The following DNAH9 variants were observed in gnomAD, a reference collection of about 807,000 sequenced individuals.
DNAH9 encodes DNAH9 variant protein.
DNAH9 carries 345 observed loss-of-function variants against 471.6 expected under a neutral mutation model. That is an observed-to-expected ratio of 0.73 (90% confidence interval 0.67 to 0.80). The LOEUF is 0.80. Ranked by LOEUF, DNAH9 falls within the 30% of genes least tolerant of loss-of-function variation. DNAH9 has a pLI of 0.00. For synonymous variants in DNAH9, 2,093 were observed against 2,123.6 expected, an observed-to-expected ratio of 0.99 and a Z score of 0.40; for missense variants, 5,407 against 5,609.2, an observed-to-expected ratio of 0.96 and a Z score of 1.15.
chr17:11,616,309 CTAAA>C (rs1449587044), intron 4 of DNAH9, among the ~76,000 whole-genome samples: 2 of 152,134 alleles, frequency 1.3e-5, no homozygotes, highest in African/African-American at 4.8e-5. Flanking sequence ...AAACTGCTTC[CTAAA>C]TAGTGTATAT....
intron 66 of DNAH9, among the ~76,000 whole-genome samples, chr17:11,939,245 G>C (rs1037225979): frequency 2.6e-5 from 4 of 152,076 alleles, no homozygotes; most frequent in African/African-American, 4.8e-5. Context: ...TGAAAATAAA[G>C]AGAAGAACCC....
chr17:11,746,910 T>A (rs1370544460), intron 31 of DNAH9, among the ~76,000 whole-genome samples: 1 of 151,478 alleles, frequency 6.6e-6, no homozygotes, highest in Non-Finnish European at 1.5e-5. Flanking sequence ...AAAACAAGAA[T>A]GAAAAACAAG....
rs181300830 is a variant in DNAH9 at position 11,605,838 on chromosome 17, G to A, written c.418-2291G>A. 1.6e-3 allele frequency among the ~76,000 whole-genome samples: 250 copies of A among 152,052 alleles called. 1 individual carries two copies. Among genetic ancestry groups the A allele is most frequent in the Middle Eastern group, 6.8e-3 (2 of 294 alleles). Reference sequence around the variant, plus strand: ...TTCACTTCATAGAGAGTTCACATTCGTTATTTTTCTGTCACTCAAAGCCCT... The same window carrying A: ...TTCACTTCATAGAGAGTTCACATTCATTATTTTTCTGTCACTCAAAGCCCT... On this transcript the variant is annotated intron_variant, in intron 1 of 68. Transcript: ENST00000262442.
Position 11,690,021 on chromosome 17 carries a change from AC to A in DNAH9, c.4201del (p.Gln1401ArgfsTer5). The A allele has an allele frequency of 6.2e-7, 1 of 1,614,212 alleles. No homozygotes were observed. The highest frequency in any genetic ancestry group is 8.5e-7 in the Non-Finnish European group (1 of 1,180,034). Reference protein sequence around the residue: ...MQATGVSFTMDQDTTLAHLLQ... With the variant: ...MQATGVSFTMXQDTTLAHLLQ... ...GCCACCGGTGTGAGCTTCACTATGG[AC>A]CAGGACACCACCCTAGCGCACCTGC... is the stretch of plus-strand genomic sequence containing the variant. On this transcript the variant is annotated frameshift_variant, in exon 20 of 69. Coordinates refer to ENST00000262442, the MANE Select transcript of DNAH9 (RefSeq NM_001372.4). LOFTEE classifies it high-confidence loss of function.
At chr17:11,722,528 G>A (rs1339673846) in intron 27 of DNAH9, among the ~76,000 whole-genome samples, 1 of 152,132 alleles carries the variant, frequency 6.6e-6, no homozygotes, top group Non-Finnish European at 1.5e-5. Context: ...GTGATATCTC[G>A]GGAATATGGG....
intron 49 of DNAH9, among the ~76,000 whole-genome samples, chr17:11,842,021 A>G (rs1971053810): frequency 2.0e-5 from 3 of 151,904 alleles, no homozygotes; most frequent in African/African-American, 4.8e-5. Flanking sequence ...TTTTGCTATG[A>G]GTCCCTTGGT....
chr17:11,664,195 T>C (rs374911228), intron 14 of DNAH9, among the ~76,000 whole-genome samples: 2 of 148,750 alleles, frequency 1.3e-5, no homozygotes, highest in Admixed American at 6.6e-5. Flanking sequence ...AAGCCCAAAC[T>C]TTGTTACCAT....
rs116409197 is a variant in DNAH9, at chr17:11,962,597, G to A, written c.13233+341G>A. On this transcript the variant is annotated intron_variant, in intron 68 of 68. Transcript: ENST00000262442. This position sits in a 1 kb window ranked among gnomAD's most constrained non-coding sequence, Gnocchi z 4.1. ...ATGGGAGAAGAGCGTCATTGTAAAA[G>A]TTAAACGAGCTAATATGTAAGACAC... 0.011 allele frequency among the ~76,000 whole-genome samples: 1,639 copies of A among 152,194 alleles called. 31 individuals carry two copies. The highest frequency in any genetic ancestry group is 0.038 in the African/African-American group (1,560 of 41,528).
Position 11,600,559 on chromosome 17 carries a change from C to A in DNAH9, c.417+1644C>A, listed in dbSNP as rs1012508144. 2.9e-4 allele frequency among the ~76,000 whole-genome samples: 44 copies of A among 152,172 alleles called. 1 individual carries two copies. Among genetic ancestry groups the A allele is most frequent in the African/African-American group, 1.1e-3 (44 of 41,438 alleles). Reference sequence around the variant, plus strand: ...TGCATTGAAAGAGATTGGAGACAAACAATGTTCATCAACAGGGGACTGGGT... The same window carrying A: ...TGCATTGAAAGAGATTGGAGACAAAAAATGTTCATCAACAGGGGACTGGGT... On this transcript the variant is annotated intron_variant, in intron 1 of 68. Transcript: ENST00000262442.
intron 49 of DNAH9, 65 bp downstream of exon 49, chr17:11,834,963 G>A (rs1280779906): frequency 1.3e-6 from 2 of 1,557,372 alleles, no homozygotes. Flanking sequence ...GACCACCTTG[G>A]CATTCCCAAG....
intron 14 of DNAH9, among the ~76,000 whole-genome samples, chr17:11,663,434 G>A (rs76447485): frequency 0.011 from 1,639 of 152,286 alleles, 33 homozygotes; most frequent in African/African-American, 0.038. Flanking sequence ...AGAAAGCCAG[G>A]TGGTGGTGAG....
At chr17:11,835,030 C>T (rs1485377315) in intron 49 of DNAH9, 132 bp downstream of exon 49, 19 of 1,227,878 alleles carry the variant, frequency 1.5e-5, no homozygotes, top group Non-Finnish European at 2.0e-5. Flanking sequence ...CACTGATTTG[C>T]TCATTAAGCA....
chr17:11,627,783 A>G (rs2072995870), intron 6 of DNAH9, among the ~76,000 whole-genome samples: 1 of 152,170 alleles, frequency 6.6e-6, no homozygotes, highest in African/African-American at 2.4e-5. Flanking sequence ...ATAGCTGAGC[A>G]AAAACAGGCT....
intron 67 of DNAH9, among the ~76,000 whole-genome samples, chr17:11,957,569 A>G (rs537458039): frequency 3.9e-4 from 49 of 127,150 alleles, no homozygotes; most frequent in East Asian, 3.3e-3. Flanking sequence ...AGAATGGGAG[A>G]AAAAAAAAAA....
intron 8 of DNAH9, among the ~76,000 whole-genome samples, chr17:11,635,034 G>A (rs564916946): frequency 4.6e-5 from 7 of 152,276 alleles, no homozygotes; most frequent in African/African-American, 1.7e-4. Context: ...ATTTTATATC[G>A]TGTTTCTCAT....
chr17:11,743,143 G>A (rs72810897), intron 30 of DNAH9, among the ~76,000 whole-genome samples: 5 of 152,230 alleles, frequency 3.3e-5, no homozygotes, highest in South Asian at 2.1e-4. Context: ...TCAGCTCTAA[G>A]CCCAAGCTTC....
At chr17:11,685,742 C>T (rs2074231101) in intron 19 of DNAH9, among the ~76,000 whole-genome samples, 1 of 151,726 alleles carries the variant, frequency 6.6e-6, no homozygotes, top group Admixed American at 6.6e-5. Flanking sequence ...CCACTGTTCA[C>T]TGAGGCGGGC....
chr17:11,710,140 A>G (rs2074804239), intron 26 of DNAH9, among the ~76,000 whole-genome samples: 1 of 152,186 alleles, frequency 6.6e-6, no homozygotes, highest in South Asian at 2.1e-4. Context: ...CATATCTTAT[A>G]TATAAAACTT....
At position 11,701,194 on chromosome 17, in the gene DNAH9, A is replaced by G. The variant is rs1439320324; in HGVS notation, c.5098A>G (p.Thr1700Ala). ...TVRHEMTEGV[T>A]AYEEKPREQW... ...GAGGCATGAGATGACAGAAGGTGTA[A>G]CTGCCTATGAAGAAAAGCCGAGGGA... Residue 1700 changes from threonine (T) to alanine (A), a missense_variant, in exon 24 of 69, where the codon ACT becomes GCT. Thr to Ala is a moderately conservative substitution (Grantham distance 58). Coordinates refer to ENST00000262442, the MANE Select transcript of DNAH9 (RefSeq NM_001372.4). 2 of 1,613,980 alleles carry G rather than the reference A, an allele frequency of 1.2e-6. No homozygotes were observed. The highest frequency in any genetic ancestry group is 2.2e-5 in the East Asian group (1 of 44,884).
Sources: allele counts gnomAD v4.1 joint callset (sites outside exome capture counted in the v4.1 genomes callset), GRCh38; gene constraint gnomAD v4.1.1; non-coding constraint Gnocchi (gnomAD v3.1); transcripts MANE v1.5; gene names NCBI Gene and HGNC (gene_info 2026-07-23, HGNC 2026-07-21).